The following FMNL2 variants were observed in gnomAD, a reference collection of about 807,000 sequenced individuals.
The protein encoded by FMNL2 is formin-like protein 2.
A neutral mutation model predicts 130.2 loss-of-function variants in FMNL2; 51 were observed. The observed-to-expected ratio is 0.39, with a 90% CI of 0.31 to 0.49. FMNL2 has a LOEUF of 0.49. Ranked by LOEUF, FMNL2 falls within the 20% of genes least tolerant of loss-of-function variation. The probability of loss-of-function intolerance (pLI) is 0.85; values close to 1 mark genes in which losing one functional copy is unlikely to be tolerated. For synonymous variants in FMNL2, 465 were observed against 467.1 expected (o/e 1.00, Z 0.06); for missense variants, 977 against 1,316.2 (o/e 0.74, Z 3.99).
At chr2:152,469,212 C>G (rs1477043251) in intron 1 of FMNL2, among the ~76,000 whole-genome samples, 2 of 152,200 alleles carry the variant, frequency 1.3e-5, no homozygotes, top group Admixed American at 1.3e-4. Flanking sequence ...GCCTTCTTGT[C>G]TGCTGCTCAC....
chr2:152,575,702 A>T (rs1696436415), intron 7 of FMNL2, among the ~76,000 whole-genome samples: 3 of 152,196 alleles, frequency 2.0e-5, no homozygotes, highest in African/African-American at 7.2e-5. Context: ...TGACTACTAA[A>T]GATTGAATAA....
chr2:152,495,557 C>T (rs1039920969), intron 1 of FMNL2, among the ~76,000 whole-genome samples: 5 of 146,850 alleles, frequency 3.4e-5, no homozygotes, highest in East Asian at 2.0e-4. Context: ...GGCTGAGGCA[C>T]GAAAATCCGT....
intron 9 of FMNL2, among the ~76,000 whole-genome samples, chr2:152,603,185 C>T (rs1029068000): frequency 2.6e-5 from 4 of 152,098 alleles, no homozygotes; most frequent in African/African-American, 9.7e-5. Flanking sequence ...GAAACACAAC[C>T]CTGAGTTCAT....
chr2:152,477,963 T>C (rs929784198), intron 1 of FMNL2, among the ~76,000 whole-genome samples: 4 of 152,044 alleles, frequency 2.6e-5, no homozygotes, highest in Non-Finnish European at 5.9e-5. Flanking sequence ...TAAACCAAGC[T>C]TCTGGCACCG....
chr2:152,396,360 T>G (rs1481642326), intron 1 of FMNL2, among the ~76,000 whole-genome samples: 1 of 152,230 alleles, frequency 6.6e-6, no homozygotes. Flanking sequence ...AGCTACTAAA[T>G]TTAGAGAACT....
At chr2:152,531,371 T>C (rs1329798478) in intron 2 of FMNL2, among the ~76,000 whole-genome samples, 1 of 152,226 alleles carries the variant, frequency 6.6e-6, no homozygotes, top group African/African-American at 2.4e-5. Flanking sequence ...AGATTGAAAC[T>C]ATTGTTTGCT....
chr2:152,350,960 G>A (rs766080125), intron 1 of FMNL2, among the ~76,000 whole-genome samples: 2 of 152,132 alleles, frequency 1.3e-5, no homozygotes, highest in African/African-American at 2.4e-5. Context: ...CAGGAGAATC[G>A]CTTGAACCTG....
chr2:152,620,505 G>A (rs1580116633), intron 15 of FMNL2, among the ~76,000 whole-genome samples: 1 of 152,260 alleles, frequency 6.6e-6, no homozygotes, highest in Middle Eastern at 3.4e-3. Context: ...CCTGGCATCT[G>A]GAATTGCTCT....
intron 9 of FMNL2, among the ~76,000 whole-genome samples, chr2:152,589,946 T>C (rs1169806930): frequency 0.011 from 83 of 7,738 alleles, no homozygotes; most frequent in African/African-American, 0.025. Flanking sequence ...TATACATATA[T>C]ATATATATAT....
At chr2:152,618,792 A>AC in intron 13 of FMNL2, 54 bp from the exon 14 acceptor site, 1 of 1,454,108 alleles carries the variant, frequency 6.9e-7, no homozygotes, top group Non-Finnish European at 9.2e-7. Flanking sequence ...ATCTGATGCT[A>AC]CTAAGTATGA....
At chr2:152,532,025 A>C (rs1693726878) in intron 2 of FMNL2, among the ~76,000 whole-genome samples, 1 of 152,224 alleles carries the variant, frequency 6.6e-6, no homozygotes, top group Admixed American at 6.5e-5. Context: ...AGCCTGACTA[A>C]AAAATTGTGG....
At chr2:152,421,287 G>A (rs16831100) in intron 1 of FMNL2, among the ~76,000 whole-genome samples, 27,471 of 152,110 alleles carry the variant, frequency 0.18, 2,680 homozygotes, top group Middle Eastern at 0.38. Flanking sequence ...CCGGTAATGT[G>A]AGGTATTTGA....
At chr2:152,431,482 T>G (rs878869542) in intron 1 of FMNL2, among the ~76,000 whole-genome samples, 1 of 152,234 alleles carries the variant, frequency 6.6e-6, no homozygotes, top group Non-Finnish European at 1.5e-5. Context: ...CATTATGAGA[T>G]GAAACACATT....
At chr2:152,488,390 A>G (rs1025661311) in intron 1 of FMNL2, among the ~76,000 whole-genome samples, 2 of 152,244 alleles carry the variant, frequency 1.3e-5, no homozygotes, top group Admixed American at 6.5e-5. Context: ...TAGGTGTTTT[A>G]TTGGCATTGA....
At chr2:152,421,328 T>A (rs1212463264) in intron 1 of FMNL2, among the ~76,000 whole-genome samples, 1 of 152,216 alleles carries the variant, frequency 6.6e-6, no homozygotes, top group East Asian at 1.9e-4. Flanking sequence ...CCTACTATAT[T>A]TGCAGCAGTG....
At chr2:152,616,310 T>C (rs1222676006) in intron 12 of FMNL2, among the ~76,000 whole-genome samples, 3 of 150,612 alleles carry the variant, frequency 2.0e-5, no homozygotes, top group African/African-American at 7.3e-5. Flanking sequence ...CTTTTATTAT[T>C]ATTATTATTT....
intron 2 of FMNL2, among the ~76,000 whole-genome samples, chr2:152,532,589 G>A (rs1347126933): frequency 6.9e-6 from 1 of 144,008 alleles, no homozygotes; most frequent in Non-Finnish European, 1.5e-5. Context: ...CAAATCTTTT[G>A]CCTATTTTAA....
intron 1 of FMNL2, among the ~76,000 whole-genome samples, chr2:152,449,927 T>G (rs931749314): frequency 1.3e-5 from 2 of 152,138 alleles, no homozygotes; most frequent in African/African-American, 2.4e-5. Context: ...ATAGAAACCT[T>G]TCCTCATTCA....
intron 25 of FMNL2, among the ~76,000 whole-genome samples, chr2:152,645,708 A>G (rs932629203): frequency 8.6e-5 from 13 of 151,416 alleles, no homozygotes; most frequent in Admixed American, 3.3e-4. Flanking sequence ...TTAAGTTCTA[A>G]GTGTGATGGC....
Sources: gnomAD v4.1 joint callset for allele counts (sites outside exome capture counted in the v4.1 genomes callset) on GRCh38, gnomAD v4.1.1 for gene constraint, MANE v1.5 for transcripts, NCBI Gene and HGNC (gene_info 2026-07-23, HGNC 2026-07-21) for gene names.